RGS8: variants seen among roughly 807,000 people sequenced by gnomAD.
RGS8 encodes the protein regulator of G-protein signaling 8.
Under a neutral mutation model 21.7 loss-of-function variants are expected in RGS8, and 8 were observed. The observed-to-expected ratio is 0.37, with a 90% CI of 0.22 to 0.66. The LOEUF is 0.66. Ranked by LOEUF, RGS8 falls within the 30% of genes least tolerant of loss-of-function variation. The pLI, the probability that RGS8 is intolerant of heterozygous loss-of-function variation, is 0.59. For synonymous variants in RGS8, 80 were observed against 83.6 expected, an observed-to-expected ratio of 0.96 and a Z score of 0.24; for missense variants, 157 against 217.9, an observed-to-expected ratio of 0.72 and a Z score of 1.76.
At chr1:182,663,217 T>C (rs571992490) in intron 5 of RGS8, among the ~76,000 whole-genome samples, 28 of 152,350 alleles carry the variant, frequency 1.8e-4, no homozygotes, top group East Asian at 1.5e-3. Context: ...TCAGCCCTAA[T>C]TGAGTCACAA....
chr1:182,717,476 A>G, the RGS8 span, among the ~76,000 whole-genome samples: 1 of 152,240 alleles, frequency 6.6e-6, no homozygotes, highest in Non-Finnish European at 1.5e-5. Flanking sequence ...TAACCTTAGC[A>G]CACAGATGGT....
At chr1:182,646,622 T>C in exon 7 of RGS8, 19 of 880,574 alleles carry the variant, frequency 2.2e-5, no homozygotes, top group Non-Finnish European at 2.6e-5. Context: ...ACCCCCAGCC[T>C]CCCACCCCCA....
intron 5 of RGS8, among the ~76,000 whole-genome samples, chr1:182,660,981 C>A (rs1028488564): frequency 1.3e-5 from 2 of 151,764 alleles, no homozygotes; most frequent in Non-Finnish European, 2.9e-5. Flanking sequence ...GAGGGCTGCG[C>A]AGTGAATGGA....
the RGS8 span, among the ~76,000 whole-genome samples, chr1:182,718,032 G>T: frequency 1.3e-5 from 2 of 152,180 alleles, no homozygotes; most frequent in Admixed American, 1.3e-4. Context: ...TGTCCACGTA[G>T]CTGGAACCTT....
intron 5 of RGS8, among the ~76,000 whole-genome samples, chr1:182,656,566 G>A (rs1329010165): frequency 1.3e-5 from 2 of 152,208 alleles, no homozygotes; most frequent in Admixed American, 6.5e-5. Context: ...ATGCTGTAAC[G>A]AAGAACAGCT....
the RGS8 span, among the ~76,000 whole-genome samples, chr1:182,717,335 C>T: frequency 2.6e-5 from 4 of 152,176 alleles, no homozygotes; most frequent in African/African-American, 9.7e-5. Flanking sequence ...AGAAGAGGCT[C>T]CTGGAACCAT....
chr1:182,700,142 C>G, the RGS8 span, among the ~76,000 whole-genome samples: 5,536 of 152,254 alleles, frequency 0.036, 115 homozygotes, highest in Middle Eastern at 0.055. Flanking sequence ...TCTGCTCCTT[C>G]CCAATTCTCG....
At chr1:182,683,756 T>C (rs1357653030) in intron 1 of RGS8, among the ~76,000 whole-genome samples, 1 of 151,984 alleles carries the variant, frequency 6.6e-6, no homozygotes, top group African/African-American at 2.4e-5. Flanking sequence ...TAGAAATTGG[T>C]GACCTCCAAT....
chr1:182,743,373 C>G, the RGS8 span, among the ~76,000 whole-genome samples: 4 of 152,032 alleles, frequency 2.6e-5, no homozygotes, highest in Non-Finnish European at 1.5e-5. Context: ...AGACAATTTC[C>G]TCACATTTTC....
the RGS8 span, among the ~76,000 whole-genome samples, chr1:182,731,584 C>T: frequency 9.2e-5 from 14 of 152,224 alleles, no homozygotes; most frequent in Non-Finnish European, 1.6e-4. Context: ...CCCATCCCAA[C>T]TAATATCACA....
At chr1:182,672,870 C>A, upstream of RGS8, 1 of 1,613,592 alleles carries the variant, frequency 6.2e-7, no homozygotes, top group African/African-American at 1.3e-5. Context: ...GGACTCTCTT[C>A]CTGCTTGCCC....
In RGS8 at chr1:182,667,090, A is replaced by G. The variant is rs917095541; in HGVS notation, c.27-117T>C. ...GCCAGCACTGCCCCCACCCTTCCCCAGGTGGTCTCTGAAGACTTCATGAAC... is the reference window on the plus strand; with the variant it reads ...GCCAGCACTGCCCCCACCCTTCCCCGGGTGGTCTCTGAAGACTTCATGAAC... On this transcript the variant is annotated intron_variant, in intron 3 of 6. Coordinates refer to ENST00000483095, the Ensembl canonical transcript of RGS8. 11 of 791,102 alleles carry G rather than the reference A, an allele frequency of 1.4e-5. No individual in the cohort carries two copies. In the African/African-American group the frequency reaches 1.9e-4, roughly 13 times the overall value. The allele number at this position is 791,102 out of a possible 1,614,324, so 49.0% of individuals were successfully genotyped here. A position where few individuals can be genotyped will look rare whatever the true frequency, so the allele number is the denominator to read the frequency against.
At chr1:182,739,883 G>C in the RGS8 span, among the ~76,000 whole-genome samples, 1 of 152,120 alleles carries the variant, frequency 6.6e-6, no homozygotes, top group Non-Finnish European at 1.5e-5. Context: ...AAGGGAAGGG[G>C]GGCAAACGGC....
chr1:182,659,418 T>C (rs557012157), intron 5 of RGS8, among the ~76,000 whole-genome samples: 2 of 152,196 alleles, frequency 1.3e-5, no homozygotes, highest in South Asian at 2.1e-4. Context: ...ATAAAACATG[T>C]AGCCGGGCGC....
chr1:182,678,653 G>T (rs1664444937), intron 1 of RGS8, among the ~76,000 whole-genome samples: 1 of 152,192 alleles, frequency 6.6e-6, no homozygotes, highest in African/African-American at 2.4e-5. Context: ...GCAGAATTCA[G>T]GGCCATATGT....
upstream of RGS8, among the ~76,000 whole-genome samples, chr1:182,689,167 C>T (rs567965660): frequency 7.2e-5 from 11 of 151,996 alleles, no homozygotes; most frequent in South Asian, 2.3e-3. Flanking sequence ...AAATCAGAAA[C>T]TAGATGGCCT....
chr1:182,732,598 G>A, the RGS8 span, among the ~76,000 whole-genome samples: 1 of 152,112 alleles, frequency 6.6e-6, no homozygotes, highest in African/African-American at 2.4e-5. Context: ...CTTCAACAAA[G>A]GGGTTCTCAG....
the RGS8 span, among the ~76,000 whole-genome samples, chr1:182,746,287 A>G: frequency 6.6e-6 from 1 of 152,236 alleles, no homozygotes; most frequent in East Asian, 1.9e-4. Flanking sequence ...CCAATAAAAA[A>G]GAGACCATAT....
At chr1:182,691,095 A>C in the RGS8 span, among the ~76,000 whole-genome samples, 13 of 152,380 alleles carry the variant, frequency 8.5e-5, no homozygotes, top group Non-Finnish European at 1.6e-4. Context: ...CCAATCCACC[A>C]GCTGACTGTT....
Sources: gnomAD v4.1 joint callset for allele counts (sites outside exome capture counted in the v4.1 genomes callset) on GRCh38, gnomAD v4.1.1 for gene constraint, MANE v1.5 for transcripts, NCBI Gene and HGNC (gene_info 2026-07-23, HGNC 2026-07-21) for gene names.